B4GALT7: variants seen among roughly 807,000 people sequenced by gnomAD.
B4GALT7 encodes the protein UDP-Gal:beta-GlcNAc beta-1,4-galactosyltransferase 7.
Under a neutral mutation model 33.0 loss-of-function variants are expected in B4GALT7, and 30 were observed. The ratio of observed to expected loss-of-function variants is 0.91; its 90% CI spans 0.68 to 1.23. The LOEUF is 1.23. Among genes scored for constraint, B4GALT7 ranks in the 50% most tolerant of loss-of-function variants. The pLI is 0.00. For synonymous variants in B4GALT7, 213 were observed against 187.2 expected (o/e 1.14, Z -1.13); for missense variants, 507 against 450.8 (o/e 1.12, Z -1.13).
At position 177,600,351 on chromosome 5, in the gene B4GALT7, G is replaced by A. The variant is rs913249939; in HGVS notation, c.50+91G>A. The A allele has an allele frequency of 3.8e-6, 4 of 1,056,984 alleles. No homozygotes were observed. The African/African-American group carries it at 5.0e-5, about 13-fold the overall frequency. The allele number at this position is 1,056,984 out of a possible 1,614,324, so 65.5% of individuals were successfully genotyped here. On this transcript the variant is annotated intron_variant, in intron 1 of 5. Coordinates refer to ENST00000029410, the MANE Select transcript of B4GALT7 (RefSeq NM_007255.3). This position sits in a 1 kb window ranked among gnomAD's most constrained non-coding sequence, Gnocchi z 4.4. The stretch of plus-strand genomic sequence containing the variant: ...GAATCTGGGAACCCGAGGCCATCAC[G>A]TCTCCATGTCTGCGGGTTTCTGTGA...
chr5:177,604,438 C>T lies in B4GALT7; in HGVS notation c.310C>T (p.Arg104Cys), dbSNP rs771938935. 1.2e-6 allele frequency: 2 copies of T among 1,613,976 alleles called. No individual in the cohort carries two copies. The highest frequency in any genetic ancestry group is 1.7e-6 in the Non-Finnish European group (2 of 1,179,922). The change falls in exon 2 of 6, where the codon CGC becomes TGC. Residue 104 changes from arginine to cysteine, a missense_variant. Coordinates refer to ENST00000029410, the MANE Select transcript of B4GALT7 (RefSeq NM_007255.3). Reference sequence around the variant, plus strand: ...GGCAGTGCTGGTGCCCTTCCGCGAACGCTTCGAGGAGCTCCTGGTCTTCGT... The same window carrying T: ...GGCAGTGCTGGTGCCCTTCCGCGAATGCTTCGAGGAGCTCCTGGTCTTCGT... ...RLAVLVPFRE[R>C]FEELLVFVPH...
Position 177,607,448 on chromosome 5 carries a change from C to A in B4GALT7, c.560C>A (p.Ser187Tyr). ...GAGGCTGGGCCCTTCCACGTGGCCT[C>A]CCCGGAGCTCCACCCTCTCTACCAC... ...FPEAGPFHVASPELHPLYHYK... is the reference protein window; with the variant it reads ...FPEAGPFHVAYPELHPLYHYK... The change falls in exon 3 of 6, where the codon TCC becomes TAC. Residue 187 changes from serine to tyrosine, a missense_variant. Ser to Tyr is a moderately radical substitution (Grantham distance 144). Transcript: ENST00000029410. 4 of 1,613,896 alleles carry A rather than the reference C, an allele frequency of 2.5e-6. No individual in the cohort carries two copies. The South Asian group carries it at 4.4e-5, about 18-fold the overall frequency.
At position 177,609,696 on chromosome 5, in the gene B4GALT7, G is replaced by A; in HGVS notation, c.*1G>A. 1.9e-6 allele frequency: 3 copies of A among 1,605,938 alleles called. No homozygotes were observed. The highest frequency in any genetic ancestry group is 1.7e-6 in the Non-Finnish European group (2 of 1,176,270). The stretch of plus-strand genomic sequence containing the variant: ...CACACCCTGGTGCACATTCAGCTGA[G>A]CTGGATGGACAGTGAGGAAGCCTGT... On this transcript the variant is annotated 3_prime_UTR_variant, in exon 6 of 6. Coordinates refer to ENST00000029410, the MANE Select transcript of B4GALT7 (RefSeq NM_007255.3).
rs1768135375 is a variant in B4GALT7, at chr5:177,610,028, C to T, written c.*333C>T. 5 of 390,388 alleles carry T rather than the reference C, an allele frequency of 1.3e-5. No individual in the cohort carries two copies. The highest frequency in any genetic ancestry group is 4.1e-5 in the African/African-American group (2 of 48,684). The allele number at this position is 390,388 out of a possible 1,614,324, so 24.2% of individuals were successfully genotyped here. On this transcript the variant is annotated 3_prime_UTR_variant, in exon 6 of 6. Transcript: ENST00000029410. ...TGGGGAGGGCTGAACAGGACAACCT[C>T]TCATCACCCCCACTTTTGTTCCTTC...
rs139816846 is a variant in B4GALT7 at position 177,608,577 on chromosome 5, C to A, written c.678C>A (p.Arg226=). 3 of 1,613,744 alleles carry A rather than the reference C, an allele frequency of 1.9e-6. No individual in the cohort carries two copies. In the African/African-American group the frequency reaches 4.0e-5, roughly 22 times the overall value. ...CCAACCGCTTCTGGGGCTGGGGCCGCGAGGACGACGAGTTCTACCGGCGCA... is the reference window on the plus strand; with the variant it reads ...CCAACCGCTTCTGGGGCTGGGGCCGAGAGGACGACGAGTTCTACCGGCGCA... ...GMSNRFWGWG[R]EDDEFYRRIK... Residue 226 remains arginine (R), a synonymous_variant, in exon 4 of 6, where the codon CGC becomes CGA. Transcript: ENST00000029410. The surrounding 1 kb of genome is among the most constrained non-coding windows in gnomAD (Gnocchi z 4.1).
At chr5:177,605,190 A>C (rs1182565281) in intron 2 of B4GALT7, 2 of 371,090 alleles carry the variant, frequency 5.4e-6, no homozygotes, top group Non-Finnish European at 1.1e-5. Flanking sequence ...CCTGGAGTCC[A>C]AGGTCCATCA....
chr5:177,605,150 CCTT>C, intron 2 of B4GALT7: 2 of 403,090 alleles, frequency 5.0e-6, no homozygotes, highest in East Asian at 1.5e-4. Context: ...TCCCTGCCAC[CCTT>C]CTTGTCTTTA....
In B4GALT7 at chr5:177,608,309, C is replaced by T; in HGVS notation, c.640-230C>T. ...ACAGAGATCCCCTCTGGGCAGCCAG[C>T]CGTTTTTGAGAAGGTGAGCCTCTCA... On this transcript the variant is annotated intron_variant, in intron 3 of 5. Coordinates refer to ENST00000029410, the MANE Select transcript of B4GALT7 (RefSeq NM_007255.3). The surrounding 1 kb of genome is among the most constrained non-coding windows in gnomAD (Gnocchi z 4.1). The T allele has an allele frequency of 1.8e-6, 1 of 564,594 alleles. No individual in the cohort carries two copies. Among genetic ancestry groups the T allele is most frequent in the Non-Finnish European group, 3.2e-6 (1 of 314,870 alleles). The allele number at this position is 564,594 out of a possible 1,614,324, so 35.0% of individuals were successfully genotyped here. A position where few individuals can be genotyped will look rare whatever the true frequency, so the allele number is the denominator to read the frequency against.
chr5:177,603,994 G>A, intron 1 of B4GALT7, 185 bp from the exon 2 acceptor site: 1 of 885,156 alleles, frequency 1.1e-6, no homozygotes, highest in East Asian at 2.7e-5. Flanking sequence ...GGTCTAGAGA[G>A]GCAAGCAGGA....
chr5:177,608,175 C>T lies in B4GALT7; in HGVS notation c.640-364C>T. Reference sequence around the variant, plus strand: ...GGTGTCTGTCATGGAACCCTGCTACCCCTCTCACACACACAGGAAGAGATG... The same window carrying T: ...GGTGTCTGTCATGGAACCCTGCTACTCCTCTCACACACACAGGAAGAGATG... On this transcript the variant is annotated intron_variant, in intron 3 of 5. Coordinates refer to ENST00000029410, the MANE Select transcript of B4GALT7 (RefSeq NM_007255.3). This position sits in a 1 kb window ranked among gnomAD's most constrained non-coding sequence, Gnocchi z 4.1. 2 of 306,100 alleles carry T rather than the reference C, an allele frequency of 6.5e-6. No homozygotes were observed. Among genetic ancestry groups the T allele is most frequent in the Non-Finnish European group, 1.3e-5 (2 of 159,808 alleles). 19.0% of individuals were successfully genotyped at this position (306,100 alleles called of 1,614,324 possible). A position where few individuals can be genotyped will look rare whatever the true frequency, so the allele number is the denominator to read the frequency against.
chr5:177,609,030 C>G lies in B4GALT7; in HGVS notation c.828+16C>G, dbSNP rs773922043. ...TCAAAAACAGGTGCTGGCAGGGCTC[C>G]TCATTGGGGACAGATAGGTGGTCAT... On this transcript the variant is annotated intron_variant, in intron 5 of 5. Coordinates refer to ENST00000029410, the MANE Select transcript of B4GALT7 (RefSeq NM_007255.3). 1.2e-6 allele frequency: 2 copies of G among 1,604,112 alleles called. No homozygotes were observed. The highest frequency in any genetic ancestry group is 1.7e-6 in the Non-Finnish European group (2 of 1,176,000).
In B4GALT7 at chr5:177,600,370, T is replaced by C; in HGVS notation, c.50+110T>C. 1 of 916,154 alleles carries C rather than the reference T, an allele frequency of 1.1e-6. No homozygotes were observed. The highest frequency in any genetic ancestry group is 1.4e-6 in the Non-Finnish European group (1 of 698,484). The allele number at this position is 916,154 out of a possible 1,614,324, so 56.8% of individuals were successfully genotyped here. A position where few individuals can be genotyped will look rare whatever the true frequency, so the allele number is the denominator to read the frequency against. ...CATCACGTCTCCATGTCTGCGGGTT[T>C]CTGTGAGGGCGTGTGGTTCTCCCTG... On this transcript the variant is annotated intron_variant, in intron 1 of 5. Coordinates refer to ENST00000029410, the MANE Select transcript of B4GALT7 (RefSeq NM_007255.3). This position sits in a 1 kb window ranked among gnomAD's most constrained non-coding sequence, Gnocchi z 4.4.
At position 177,609,023 on chromosome 5, in the gene B4GALT7, A is replaced by G; in HGVS notation, c.828+9A>G. Reference sequence around the variant, plus strand: ...TCGCAGCTCAAAAACAGGTGCTGGCAGGGCTCCTCATTGGGGACAGATAGG... The same window carrying G: ...TCGCAGCTCAAAAACAGGTGCTGGCGGGGCTCCTCATTGGGGACAGATAGG... On this transcript the variant is annotated intron_variant, in intron 5 of 5. Coordinates refer to ENST00000029410, the MANE Select transcript of B4GALT7 (RefSeq NM_007255.3). 2.5e-6 allele frequency: 4 copies of G among 1,607,266 alleles called. No homozygotes were observed. Among genetic ancestry groups the G allele is most frequent in the Non-Finnish European group, 3.4e-6 (4 of 1,178,072 alleles).
At position 177,604,216 on chromosome 5, in the gene B4GALT7, T is replaced by A; in HGVS notation, c.88T>A (p.Ser30Thr). 1 of 1,613,692 alleles carries A rather than the reference T, an allele frequency of 6.2e-7. No homozygotes were observed. The highest frequency in any genetic ancestry group is 1.3e-5 in the African/African-American group (1 of 75,024). Reference protein sequence around the residue: ...LLSGGLPRKCSVFHLFVACLS... With the variant: ...LLSGGLPRKCTVFHLFVACLS... Reference sequence around the variant, plus strand: ...CTCCGGCGGCCTCCCTCGGAAGTGTTCCGTCTTCCACCTGTTCGTGGCCTG... The same window carrying A: ...CTCCGGCGGCCTCCCTCGGAAGTGTACCGTCTTCCACCTGTTCGTGGCCTG... Residue 30 changes from serine to threonine, a missense_variant, in exon 2 of 6, where the codon TCC becomes ACC. Ser to Thr is a moderately conservative substitution (Grantham distance 58). Transcript: ENST00000029410.
In B4GALT7 at chr5:177,609,941, C is replaced by A. The variant is rs1242234038; in HGVS notation, c.*246C>A. 7 of 552,946 alleles carry A rather than the reference C, an allele frequency of 1.3e-5. No individual in the cohort carries two copies. The East Asian group carries it at 1.6e-4, about 12-fold the overall frequency. 34.3% of individuals were successfully genotyped at this position (552,946 alleles called of 1,614,324 possible). A position where few individuals can be genotyped will look rare whatever the true frequency, so the allele number is the denominator to read the frequency against. On this transcript the variant is annotated 3_prime_UTR_variant, in exon 6 of 6. Transcript: ENST00000029410. ...AGGCTGGGGTGTGTCCTGTCCGGGA[C>A]CCCCCCTGCCTTCCTGCTCACCCTA...
intron 2 of B4GALT7, chr5:177,605,341 C>T (rs936089778): frequency 5.4e-5 from 15 of 275,512 alleles, no homozygotes; most frequent in Non-Finnish European, 1.0e-4. Context: ...ACACGTGAGG[C>T]GGCCATGCTG....
rs199901104 is a variant in B4GALT7 at position 177,607,515 on chromosome 5, G to A, written c.627G>A (p.Gln209=). 2.5e-6 allele frequency: 4 copies of A among 1,612,016 alleles called. No individual in the cohort carries two copies. Among genetic ancestry groups the A allele is most frequent in the Non-Finnish European group, 3.4e-6 (4 of 1,179,988 alleles). ...GCGGCATCCTGCTGCTCTCCAAGCA[G>A]CACTACCGGCTGGTGAGGCCCGGAC... ...YVGGILLLSK[Q]HYRLCNGMSN... is the part of the protein sequence containing the mutation. The change falls in exon 3 of 6, where the codon CAG becomes CAA. Residue 209 remains glutamine, a synonymous_variant. Transcript: ENST00000029410.
chr5:177,605,130 C>A (rs570694680), intron 2 of B4GALT7: 24 of 419,884 alleles, frequency 5.7e-5, no homozygotes, highest in South Asian at 3.8e-4. Flanking sequence ...ATCCCCAGAC[C>A]CCCCCCTTTT....
intron 3 of B4GALT7, 136 bp downstream of exon 3, chr5:177,607,663 G>A (rs1768055451): frequency 2.3e-6 from 2 of 854,958 alleles, no homozygotes; most frequent in Non-Finnish European, 1.8e-6. Flanking sequence ...CTTGGGAGCA[G>A]CCAGAGTGCG....
Sources: allele counts gnomAD v4.1 joint callset, GRCh38; gene constraint gnomAD v4.1.1; non-coding constraint Gnocchi (gnomAD v3.1); transcripts MANE v1.5; gene names NCBI Gene and HGNC (gene_info 2026-07-23, HGNC 2026-07-21).